UNC5D: variants seen among roughly 807,000 people sequenced by gnomAD.
The protein encoded by UNC5D is unc-5 netrin receptor D.
Under a neutral mutation model 105.4 loss-of-function variants are expected in UNC5D, and 39 were observed. The ratio of observed to expected loss-of-function variants is 0.37; its 90% CI spans 0.29 to 0.48. The LOEUF is 0.48. Among genes scored for constraint, UNC5D ranks in the 20% least tolerant of loss-of-function variants. The pLI, the probability that UNC5D is intolerant of heterozygous loss-of-function variation, is 0.98. For synonymous variants in UNC5D, 452 were observed against 450.4 expected (o/e 1.00, Z -0.04); for missense variants, 991 against 1,202.4 (o/e 0.82, Z 2.60).
chr8:35,701,691 C>G (rs1423436258), intron 7 of UNC5D, among the ~76,000 whole-genome samples: 1 of 152,004 alleles, frequency 6.6e-6, no homozygotes, highest in Admixed American at 6.5e-5. Flanking sequence ...CCTTACAGTA[C>G]TAAGTGACAA....
chr8:35,568,427 G>A (rs928318101), intron 3 of UNC5D, among the ~76,000 whole-genome samples, 186 bp downstream of exon 3: 1 of 152,232 alleles, frequency 6.6e-6, no homozygotes, highest in South Asian at 2.1e-4. Flanking sequence ...AGTGGCTCAC[G>A]CCTGTGATCC....
chr8:35,360,261 T>C (rs1801788603), intron 1 of UNC5D, among the ~76,000 whole-genome samples: 1 of 152,212 alleles, frequency 6.6e-6, no homozygotes, highest in African/African-American at 2.4e-5. Flanking sequence ...GATTTCCTTT[T>C]ACATACAAAT....
chr8:35,753,325 GT>G (rs1830372853), intron 13 of UNC5D, among the ~76,000 whole-genome samples: 1 of 152,076 alleles, frequency 6.6e-6, no homozygotes, highest in African/African-American at 2.4e-5. Context: ...CTGGAGTGCA[GT>G]GGCGTGATCT....
intron 1 of UNC5D, among the ~76,000 whole-genome samples, chr8:35,385,072 T>C (rs1364983423): frequency 6.6e-6 from 1 of 152,204 alleles, no homozygotes; most frequent in African/African-American, 2.4e-5. Flanking sequence ...CAGGCCGCCA[T>C]GTAACCTCAC....
At chr8:35,763,446 CTTTTT>C in intron 14 of UNC5D, among the ~76,000 whole-genome samples, 1 of 124,722 alleles carries the variant, frequency 8.0e-6, no homozygotes, top group Admixed American at 8.1e-5. Flanking sequence ...TGGTCAGTGC[CTTTTT>C]TTTTTTTTTT....
At position 35,766,973 on chromosome 8, in the gene UNC5D, T is replaced by C; in HGVS notation, c.2385T>C (p.Tyr795=). The change falls in exon 15 of 17, where the codon TAT becomes TAC. Residue 795 remains tyrosine (Y), a synonymous_variant. Transcript: ENST00000404895. The part of the protein sequence containing the change: ...PLHCAFSLER[Y]TPTTTQLSCK... ...ACTGTGCCTTCTCCCTGGAGCGTTA[T>C]ACGCCCACTACCACCCAGCTGTCCT... is the stretch of plus-strand genomic sequence containing the variant. The C allele has an allele frequency of 6.2e-7, 1 of 1,614,086 alleles. No individual in the cohort carries two copies. Among genetic ancestry groups the C allele is most frequent in the Non-Finnish European group, 8.5e-7 (1 of 1,179,972 alleles).
chr8:35,474,774 C>A (rs2129886752), intron 1 of UNC5D, among the ~76,000 whole-genome samples: 1 of 152,260 alleles, frequency 6.6e-6, no homozygotes, highest in Admixed American at 6.5e-5. Context: ...ATTGAGATTT[C>A]ATTGGTTGTT....
At chr8:35,715,570 GA>G (rs1228414806) in intron 8 of UNC5D, among the ~76,000 whole-genome samples, 2 of 152,148 alleles carry the variant, frequency 1.3e-5, no homozygotes, top group Non-Finnish European at 1.5e-5. Context: ...AGTTCTTGTA[GA>G]AAAAGAGCTG....
intron 4 of UNC5D, among the ~76,000 whole-genome samples, chr8:35,618,758 G>A (rs1409854967): frequency 2.0e-5 from 3 of 152,210 alleles, no homozygotes; most frequent in African/African-American, 2.4e-5. Context: ...GATGGTAAGA[G>A]TCTAGTTCTC....
rs1033332946 is a variant in UNC5D, at chr8:35,795,577, A to G, written c.*5014A>G. The G allele has an allele frequency of 2.0e-5, 3 of 152,176 alleles. No individual in the cohort carries two copies. Among genetic ancestry groups the G allele is most frequent in the Admixed American group, 1.3e-4 (2 of 15,272 alleles). The allele number at this position is 152,176 out of a possible 1,614,324, so 9.4% of individuals were successfully genotyped here. A position where few individuals can be genotyped will look rare whatever the true frequency, so the allele number is the denominator to read the frequency against. ...CAGAAATAGACCTAATAATTCCAAT[A>G]TCCCTCCATTAACTAGTTCCAGTGA... On this transcript the variant is annotated 3_prime_UTR_variant, in exon 17 of 17. Transcript: ENST00000404895.
At chr8:35,743,649 A>G (rs1256959339) in intron 11 of UNC5D, among the ~76,000 whole-genome samples, 2 of 150,150 alleles carry the variant, frequency 1.3e-5, no homozygotes, top group South Asian at 2.1e-4. Flanking sequence ...AAAAATTGCA[A>G]TAATATCAAG....
intron 1 of UNC5D, chr8:35,525,723 T>A (rs1813824916): frequency 1.3e-6 from 2 of 1,588,910 alleles, no homozygotes; most frequent in Non-Finnish European, 1.7e-6. Flanking sequence ...GCACGACACC[T>A]GGCTCCCAAC....
At chr8:35,311,363 T>G (rs1190568534) in intron 1 of UNC5D, among the ~76,000 whole-genome samples, 1 of 152,158 alleles carries the variant, frequency 6.6e-6, no homozygotes, top group Non-Finnish European at 1.5e-5. Context: ...TTGCCCATTG[T>G]GGAGTAGTAG....
chr8:35,330,722 A>C (rs1399454412), intron 1 of UNC5D, among the ~76,000 whole-genome samples: 1 of 152,200 alleles, frequency 6.6e-6, no homozygotes, highest in Non-Finnish European at 1.5e-5. Context: ...ATTACCATAG[A>C]GTGGCATAGC....
Position 35,718,991 on chromosome 8 carries a change from C to T in UNC5D, c.1118-3219C>T, listed in dbSNP as rs561140269. Among the ~76,000 whole-genome samples the T allele has an allele frequency of 2.0e-5, 3 of 152,204 alleles. No homozygotes were observed. The South Asian group carries it at 6.2e-4, about 32-fold the overall frequency. On this transcript the variant is annotated intron_variant, in intron 8 of 16. Transcript: ENST00000404895. ...GTCATGGGAAAAGTTGCCAGTCCCCCGGAAGTGACTGCACCTTGCGGTCCT... is the reference window on the plus strand; with the variant it reads ...GTCATGGGAAAAGTTGCCAGTCCCCTGGAAGTGACTGCACCTTGCGGTCCT...
chr8:35,441,292 G>A (rs1446760540), intron 1 of UNC5D, among the ~76,000 whole-genome samples: 2 of 151,902 alleles, frequency 1.3e-5, no homozygotes, highest in East Asian at 3.9e-4. Flanking sequence ...AGCACAGTAA[G>A]ATTTTGAGAG....
chr8:35,300,542 A>C (rs1284856307), intron 1 of UNC5D, among the ~76,000 whole-genome samples: 1 of 151,162 alleles, frequency 6.6e-6, no homozygotes, highest in Non-Finnish European at 1.5e-5. Context: ...TTAACCAAGA[A>C]ACCAAAGGGA....
chr8:35,386,329 A>G (rs1377009215), intron 1 of UNC5D, among the ~76,000 whole-genome samples: 2 of 152,188 alleles, frequency 1.3e-5, no homozygotes, highest in African/African-American at 4.8e-5. Flanking sequence ...ATTTCTTTCT[A>G]TAGACATGTA....
At chr8:35,544,587 T>C (rs749016241) in intron 1 of UNC5D, 48 of 1,476,466 alleles carry the variant, frequency 3.3e-5, no homozygotes, top group Non-Finnish European at 4.1e-5. Flanking sequence ...ACCTATTCTT[T>C]CGTTTTCGTT....
Sources: allele counts gnomAD v4.1 joint callset (sites outside exome capture counted in the v4.1 genomes callset), GRCh38; gene constraint gnomAD v4.1.1; transcripts MANE v1.5; gene names NCBI Gene and HGNC (gene_info 2026-07-23, HGNC 2026-07-21).